The following MYH11 variants were observed in gnomAD, a reference collection of about 807,000 sequenced individuals.
MYH11 encodes myosin heavy chain 11, also known as myosin-11.
In MYH11, 80 loss-of-function variants were observed where a neutral mutation model predicts 246.6. The ratio of observed to expected loss-of-function variants is 0.32; its 90% CI spans 0.27 to 0.39. The LOEUF (loss-of-function observed/expected upper bound fraction) is 0.39. MYH11 is among the 10% of genes least tolerant of loss of function. The pLI is 1.00. For missense variants in MYH11, 2,158 were observed against 2,546.8 expected (o/e 0.85, Z 3.29); for synonymous variants, 1,071 against 1,015.5 (o/e 1.05, Z -1.04).
At chr16:15,714,120 G>GTGT (rs2039979723) in intron 40 of MYH11, 1 of 152,686 alleles carries the variant, frequency 6.5e-6, no homozygotes, top group Non-Finnish European at 1.5e-5. Context: ...GTGAGGAGTG[G>GTGT]TGTGGGAGAC....
chr16:15,839,548 A>G (rs2043996947), intron 1 of MYH11, among the ~76,000 whole-genome samples: 1 of 151,652 alleles, frequency 6.6e-6, no homozygotes, highest in Non-Finnish European at 1.5e-5. Context: ...ACAAATATTA[A>G]TGGAGTGTGG....
At chr16:15,762,377 G>A (rs748346297) in intron 10 of MYH11, among the ~76,000 whole-genome samples, 4 of 152,190 alleles carry the variant, frequency 2.6e-5, no homozygotes, top group Non-Finnish European at 5.9e-5. Flanking sequence ...TAGCCCAAAG[G>A]TTTGAAATTA....
At chr16:15,780,274 G>T (rs545660358) in intron 6 of MYH11, among the ~76,000 whole-genome samples, 6 of 152,148 alleles carry the variant, frequency 3.9e-5, no homozygotes, top group Admixed American at 6.5e-5. Flanking sequence ...CACATGTTGG[G>T]GGGGGGCCGC....
chr16:15,704,062 T>C lies in MYH11; in HGVS notation c.5848A>G (p.Asn1950Asp). Reference protein sequence around the residue: ...RRSGGRRVIENADGSEEETDT... With the variant: ...RRSGGRRVIEDADGSEEETDT... ...GTTTCCTCCTCAGAACCATCTGCAT[T>C]TTCAATAACTCTACGTCCTCCAGAC... Residue 1950 changes from asparagine (N) to aspartate (D), a missense_variant, in exon 41 of 41, where the codon AAT becomes GAT. By Grantham distance (23) the Asn-to-Asp change is conservative. Coordinates refer to ENST00000300036, the MANE Select transcript of MYH11 (RefSeq NM_002474.3). 1 of 1,614,156 alleles carries C rather than the reference T, an allele frequency of 6.2e-7. No homozygotes were observed.
At chr16:15,849,850 G>T (rs2044286508) in intron 1 of MYH11, among the ~76,000 whole-genome samples, 1 of 152,166 alleles carries the variant, frequency 6.6e-6, no homozygotes. Context: ...CCTGCTGGGT[G>T]ACTCTGGACA....
chr16:15,786,802 C>T, intron 4 of MYH11, 70 bp from the exon 5 acceptor site: 1 of 1,350,998 alleles, frequency 7.4e-7, no homozygotes, highest in Non-Finnish European at 1.0e-6. Context: ...ATGAGCCAGG[C>T]AGGACAATAA....
chr16:15,842,505 T>C (rs935115765), intron 1 of MYH11, among the ~76,000 whole-genome samples: 1 of 152,034 alleles, frequency 6.6e-6, no homozygotes, highest in African/African-American at 2.4e-5. Context: ...CTCACACCTG[T>C]AATCCTAGCA....
intron 19 of MYH11, 112 bp downstream of exon 19, chr16:15,747,458 A>T (rs780952764): frequency 2.2e-5 from 27 of 1,243,842 alleles, no homozygotes; most frequent in Non-Finnish European, 3.1e-5. Flanking sequence ...GCTGTCATTC[A>T]GTCAATGATG....
intron 4 of MYH11, among the ~76,000 whole-genome samples, chr16:15,789,709 A>C (rs555873087): frequency 2.0e-5 from 3 of 152,342 alleles, no homozygotes; most frequent in African/African-American, 2.4e-5. Context: ...GAATTACTTC[A>C]ATCAGGCTAA....
At position 15,823,415 on chromosome 16, in the gene MYH11, C is replaced by T; in HGVS notation, c.346-4G>A. The T allele has an allele frequency of 6.2e-7, 1 of 1,614,154 alleles. No homozygotes were observed. The highest frequency in any genetic ancestry group is 8.5e-7 in the Non-Finnish European group (1 of 1,180,016). Reference sequence around the variant, plus strand: ...CGCAGAAGAGGCCAGAGTACGTCTGCAGACAGAGAACCCAGCTTACTTCCA... The same window carrying T: ...CGCAGAAGAGGCCAGAGTACGTCTGTAGACAGAGAACCCAGCTTACTTCCA... On this transcript the variant is annotated splice_region_variant and splice_polypyrimidine_tract_variant and intron_variant, in intron 2 of 40. Transcript: ENST00000300036.
At chr16:15,778,076 C>T (rs2042264858) in intron 7 of MYH11, among the ~76,000 whole-genome samples, 1 of 152,120 alleles carries the variant, frequency 6.6e-6, no homozygotes, top group South Asian at 2.1e-4. Flanking sequence ...AAGCCTGAGC[C>T]CTAGGGCCGC....
chr16:15,756,377 G>A lies in MYH11; in HGVS notation c.1713C>T (p.Asp571=), dbSNP rs2041716875. 3 of 1,614,150 alleles carry A rather than the reference G, an allele frequency of 1.9e-6. No homozygotes were observed. The highest frequency in any genetic ancestry group is 1.7e-6 in the Non-Finnish European group (2 of 1,180,038). The part of the protein sequence containing the change: ...PKFQKPKQLK[D]KTEFSIIHYA... ...AATGGATGATGGAGAACTCAGTCTT[G>A]TCCTTGAGCTGCTTGGGCTTCTGGA... The change falls in exon 14 of 41, where the codon GAC becomes GAT. Residue 571 remains aspartate (D), a synonymous_variant. Coordinates refer to ENST00000300036, the MANE Select transcript of MYH11 (RefSeq NM_002474.3).
At chr16:15,762,648 C>T (rs1456833887) in intron 10 of MYH11, among the ~76,000 whole-genome samples, 1 of 152,064 alleles carries the variant, frequency 6.6e-6, no homozygotes, top group African/African-American at 2.4e-5. Context: ...CAATCAGCAC[C>T]CCCAACTCAC....
At chr16:15,759,014 G>T (rs1442790609) in intron 12 of MYH11, among the ~76,000 whole-genome samples, 2 of 150,646 alleles carry the variant, frequency 1.3e-5, no homozygotes, top group Non-Finnish European at 3.0e-5. Context: ...CTTTCTCTGA[G>T]AACTTTCTTC....
chr16:15,732,957 G>A (rs973081066), intron 26 of MYH11: 43 of 578,220 alleles, frequency 7.4e-5, no homozygotes, highest in Non-Finnish European at 1.2e-4. Flanking sequence ...CAAAGTAATA[G>A]AATTGAAAGG....
At chr16:15,819,419 C>A (rs932556409) in intron 3 of MYH11, among the ~76,000 whole-genome samples, 4 of 152,312 alleles carry the variant, frequency 2.6e-5, no homozygotes, top group Admixed American at 1.3e-4. Flanking sequence ...TCTGTATTTA[C>A]AGCCACTCCC....
At chr16:15,758,943 G>A (rs117015359) in intron 12 of MYH11, among the ~76,000 whole-genome samples, 2,329 of 145,804 alleles carry the variant, frequency 0.016, 20 homozygotes, top group Non-Finnish European at 0.026. Context: ...CAGTCTGGGC[G>A]ACAGAGCAAG....
At chr16:15,736,878 G>C (rs11863820) in intron 25 of MYH11, among the ~76,000 whole-genome samples, 14,710 of 152,186 alleles carry the variant, frequency 0.097, 1,750 homozygotes, top group African/African-American at 0.28. Flanking sequence ...ATCATTCATA[G>C]TGGCTGCTGC....
At chr16:15,821,845 G>A (rs1348846496) in intron 3 of MYH11, among the ~76,000 whole-genome samples, 2 of 119,488 alleles carry the variant, frequency 1.7e-5, no homozygotes, top group Non-Finnish European at 3.7e-5. Context: ...GTGAACCCGG[G>A]AAGCGGAGCT....
Sources: gnomAD v4.1 joint callset for allele counts (sites outside exome capture counted in the v4.1 genomes callset) on GRCh38, gnomAD v4.1.1 for gene constraint, MANE v1.5 for transcripts, NCBI Gene and HGNC (gene_info 2026-07-23, HGNC 2026-07-21) for gene names.